Variants in LIPC observed in about 807,000 individuals in gnomAD.
LIPC encodes hepatic triacylglycerol lipase.
LIPC carries 44 observed loss-of-function variants against 50.7 expected under a neutral mutation model. That is an observed-to-expected ratio of 0.87 (90% confidence interval 0.68 to 1.11). The LOEUF is 1.11. Ranked by LOEUF, LIPC falls within the 50% of genes most tolerant of loss-of-function variation. LIPC has a pLI of 0.00. For synonymous variants in LIPC, 271 were observed against 256.4 expected (o/e 1.06, Z -0.54); for missense variants, 697 against 648.2 (o/e 1.08, Z -0.82).
chr15:58,466,575 C>A (rs1354944992), intron 1 of LIPC, among the ~76,000 whole-genome samples: 1 of 152,218 alleles, frequency 6.6e-6, no homozygotes, highest in Admixed American at 6.5e-5. Flanking sequence ...ACTAGCATCA[C>A]AGGTAAGAAA....
rs117877458 is a variant in LIPC at position 58,465,859 on chromosome 15, G to A, written c.88+33739G>A. 4.4e-3 allele frequency among the ~76,000 whole-genome samples: 671 copies of A among 152,294 alleles called. 3 individuals are homozygous for A. Among genetic ancestry groups the A allele is most frequent in the Non-Finnish European group, 7.4e-3 (500 of 68,022 alleles). ...GTGTTGTCAAGGAAGGAATAGGTAC[G>A]TGGGAAACTAGGGAGACAATCATAG... On this transcript the variant is annotated intron_variant, in intron 1 of 8. Transcript: ENST00000299022.
chr15:58,566,548 C>T lies in LIPC; in HGVS notation c.1389-2168C>T, dbSNP rs17301871. ...GGATGGGAACATTAAACTCTACACTCGTAATATCGCTGCTAAGTGCAAGTG... is the reference window on the plus strand; with the variant it reads ...GGATGGGAACATTAAACTCTACACTTGTAATATCGCTGCTAAGTGCAAGTG... On this transcript the variant is annotated intron_variant, in intron 8 of 8. Transcript: ENST00000299022. 507 of 675,470 alleles carry T rather than the reference C, an allele frequency of 7.5e-4. 5 individuals carry two copies. The East Asian group carries it at 0.052, about 69-fold the overall frequency. The allele number at this position is 675,470 out of a possible 1,614,324, so 41.8% of individuals were successfully genotyped here. A position where few individuals can be genotyped will look rare whatever the true frequency, so the allele number is the denominator to read the frequency against.
At chr15:58,446,106 G>C (rs1893686165) in intron 1 of LIPC, among the ~76,000 whole-genome samples, 1 of 152,226 alleles carries the variant, frequency 6.6e-6, no homozygotes, top group Non-Finnish European at 1.5e-5. Context: ...GTTGAGATAA[G>C]AGGGGGAAAG....
At chr15:58,547,290 C>G (rs1041080188) in intron 5 of LIPC, among the ~76,000 whole-genome samples, 1 of 152,306 alleles carries the variant, frequency 6.6e-6, no homozygotes, top group East Asian at 1.9e-4. Flanking sequence ...TTCACTACCT[C>G]CTGGGTGGAT....
chr15:58,469,737 T>C (rs1404292668), intron 1 of LIPC, among the ~76,000 whole-genome samples: 2 of 152,182 alleles, frequency 1.3e-5, no homozygotes, highest in African/African-American at 4.8e-5. Context: ...GAAGTGACCC[T>C]ACCCTCTACT....
At chr15:58,555,850 C>A (rs1488277135) in intron 6 of LIPC, among the ~76,000 whole-genome samples, 2 of 152,206 alleles carry the variant, frequency 1.3e-5, no homozygotes, top group Non-Finnish European at 2.9e-5. Context: ...CAGTCAGGCT[C>A]CAGAGCACGG....
At position 58,485,547 on chromosome 15, in the gene LIPC, T is replaced by A. The variant is rs566353387; in HGVS notation, c.89-52786T>A. Among the ~76,000 whole-genome samples, 22 of 137,838 alleles carry A rather than the reference T, an allele frequency of 1.6e-4. 1 individual carries two copies. The South Asian group carries it at 4.6e-3, about 29-fold the overall frequency. 90.4% of individuals were successfully genotyped at this position (137,838 alleles called of 152,430 possible). A position where few individuals can be genotyped will look rare whatever the true frequency, so the allele number is the denominator to read the frequency against. On this transcript the variant is annotated intron_variant, in intron 1 of 8. Coordinates refer to ENST00000299022, the MANE Select transcript of LIPC (RefSeq NM_000236.3). The stretch of plus-strand genomic sequence containing the variant: ...CTCGGGCTAAGGGCTGTTTCCTTCC[T>A]TCGACTGAAGACCTTTCATACTGTA...
At position 58,493,084 on chromosome 15, in the gene LIPC, A is replaced by G. The variant is rs549936194; in HGVS notation, c.89-45249A>G. Among the ~76,000 whole-genome samples the G allele has an allele frequency of 2.0e-3, 301 of 152,284 alleles. 2 individuals are homozygous for G. The highest frequency in any genetic ancestry group is 7.1e-3 in the African/African-American group (296 of 41,544). On this transcript the variant is annotated intron_variant, in intron 1 of 8. Transcript: ENST00000299022. ...GAAAACTGATTTAATAAGTAAACTC[A>G]TACTTAGGAAGCTTCCCATCCACCC... is the stretch of plus-strand genomic sequence containing the variant.
At chr15:58,545,648 T>C (rs746931278) in intron 4 of LIPC, 94 bp from the exon 5 acceptor site, 4 of 1,044,058 alleles carry the variant, frequency 3.8e-6, no homozygotes, top group Non-Finnish European at 5.8e-6. Context: ...TCCTGCTAGT[T>C]CACTGATGTA....
chr15:58,535,423 C>T (rs1391950008), intron 1 of LIPC, among the ~76,000 whole-genome samples: 2 of 152,176 alleles, frequency 1.3e-5, no homozygotes, highest in South Asian at 2.1e-4. Context: ...CTAAAGCCTC[C>T]GGGAAGGGAG....
intron 7 of LIPC, 145 bp downstream of exon 7, chr15:58,561,126 A>C: frequency 1.4e-6 from 1 of 692,884 alleles, no homozygotes; most frequent in Admixed American, 2.2e-5. Context: ...GACACATGTC[A>C]ATCAATTTAG....
chr15:58,470,162 C>A (rs1273434860), intron 1 of LIPC, among the ~76,000 whole-genome samples: 1 of 152,088 alleles, frequency 6.6e-6, no homozygotes, highest in East Asian at 1.9e-4. Flanking sequence ...AAATTCATGG[C>A]CTCAAACAGT....
At chr15:58,538,247 G>C in intron 1 of LIPC, 86 bp from the exon 2 acceptor site, 1 of 1,298,076 alleles carries the variant, frequency 7.7e-7, no homozygotes, top group Non-Finnish European at 1.1e-6. Flanking sequence ...TTTGGCTTGT[G>C]CTTGTAGAAG....
chr15:58,494,646 T>C, intron 1 of LIPC: 1 of 407,290 alleles, frequency 2.5e-6, no homozygotes, highest in Non-Finnish European at 4.9e-6. Context: ...CCCACCTGTA[T>C]CAATCAGTGC....
intron 1 of LIPC, among the ~76,000 whole-genome samples, chr15:58,456,617 A>T (rs1894125339): frequency 6.6e-6 from 1 of 152,220 alleles, no homozygotes; most frequent in South Asian, 2.1e-4. Flanking sequence ...ATGGGTAGCC[A>T]ATGCTAAGGC....
intron 1 of LIPC, among the ~76,000 whole-genome samples, chr15:58,501,740 G>C (rs1891991342): frequency 6.7e-6 from 1 of 148,662 alleles, no homozygotes; most frequent in South Asian, 2.2e-4. Flanking sequence ...ACCCTACCAA[G>C]ATTTTTTTTA....
At chr15:58,485,760 C>A (rs879590409) in intron 1 of LIPC, among the ~76,000 whole-genome samples, 1 of 152,254 alleles carries the variant, frequency 6.6e-6, no homozygotes, top group Non-Finnish European at 1.5e-5. Context: ...CCACTGACAT[C>A]CCAGCGCTGC....
intron 8 of LIPC, 77 bp from the exon 9 acceptor site, chr15:58,568,639 A>C (rs1894463048): frequency 4.7e-6 from 4 of 860,010 alleles, no homozygotes; most frequent in Admixed American, 3.8e-5. Flanking sequence ...ATTGAGTGAA[A>C]TTTGATAAAG....
intron 1 of LIPC, among the ~76,000 whole-genome samples, chr15:58,512,358 C>T (rs1892355397): frequency 6.6e-6 from 1 of 152,170 alleles, no homozygotes; most frequent in South Asian, 2.1e-4. Context: ...CTCGGCCTAC[C>T]AAAGTGTTGT....
Sources: allele counts gnomAD v4.1 joint callset (sites outside exome capture counted in the v4.1 genomes callset), GRCh38; gene constraint gnomAD v4.1.1; transcripts MANE v1.5; gene names NCBI Gene and HGNC (gene_info 2026-07-23, HGNC 2026-07-21).